MYO16: variants seen among roughly 807,000 people sequenced by gnomAD.
The protein encoded by MYO16 is unconventional myosin-XVI.
Under a neutral mutation model 205.3 loss-of-function variants are expected in MYO16, and 94 were observed. The observed-to-expected ratio is 0.46, with a 90% CI of 0.39 to 0.54. The LOEUF is 0.54. Among genes scored for constraint, MYO16 ranks in the 20% least tolerant of loss-of-function variants. The pLI is 0.00. For synonymous variants in MYO16, 988 were observed against 954.0 expected (o/e 1.04, Z -0.66); for missense variants, 2,315 against 2,387.5 (o/e 0.97, Z 0.63).
At chr13:109,196,690 T>C (rs1259587387) in intron 34 of MYO16, among the ~76,000 whole-genome samples, 1 of 152,178 alleles carries the variant, frequency 6.6e-6, no homozygotes, top group African/African-American at 2.4e-5. Flanking sequence ...GCTCCAGTAA[T>C]ACTGCCTTGG....
chr13:108,502,337 CTTA>C, the MYO16 span, among the ~76,000 whole-genome samples: 9 of 151,992 alleles, frequency 5.9e-5, no homozygotes, highest in Non-Finnish European at 1.0e-4. Context: ...ATTTTTGATG[CTTA>C]TTATTTATCT....
At chr13:108,881,266 C>T (rs979727183) in intron 12 of MYO16, among the ~76,000 whole-genome samples, 1 of 152,116 alleles carries the variant, frequency 6.6e-6, no homozygotes, top group African/African-American at 2.4e-5. Context: ...GAAAGGACAT[C>T]CACACCAAAA....
intron 9 of MYO16, among the ~76,000 whole-genome samples, chr13:108,829,615 A>T (rs1358936416): frequency 6.6e-6 from 1 of 152,154 alleles, no homozygotes; most frequent in Non-Finnish European, 1.5e-5. Context: ...AAGAAATGCC[A>T]CTTTCCTAGG....
At chr13:109,132,482 C>A (rs571394111) in intron 31 of MYO16, among the ~76,000 whole-genome samples, 1 of 152,314 alleles carries the variant, frequency 6.6e-6, no homozygotes, top group African/African-American at 2.4e-5. Flanking sequence ...TCTAGAACAA[C>A]ATGTGTCACA....
At chr13:108,810,249 T>C (rs532171526) in intron 7 of MYO16, among the ~76,000 whole-genome samples, 28 of 152,348 alleles carry the variant, frequency 1.8e-4, no homozygotes, top group African/African-American at 6.5e-4. Context: ...CCATTAAGCC[T>C]ACTCAAGTAG....
At chr13:109,004,908 A>G (rs1313533256) in intron 21 of MYO16, among the ~76,000 whole-genome samples, 2 of 152,230 alleles carry the variant, frequency 1.3e-5, no homozygotes, top group Non-Finnish European at 2.9e-5. Context: ...AATGTTTTAT[A>G]TGGTATGTTC....
intron 4 of MYO16, among the ~76,000 whole-genome samples, chr13:108,734,595 G>A (rs985025475): frequency 2.0e-5 from 3 of 152,194 alleles, no homozygotes; most frequent in Non-Finnish European, 4.4e-5. Flanking sequence ...TTTGCTTACA[G>A]GATCTCCAGG....
At chr13:108,750,135 T>A (rs559245581) in intron 4 of MYO16, among the ~76,000 whole-genome samples, 1 of 152,284 alleles carries the variant, frequency 6.6e-6, no homozygotes, top group African/African-American at 2.4e-5. Context: ...GAATGAAGCT[T>A]AGGGGATTTT....
At chr13:108,870,131 C>T (rs1303819993) in intron 12 of MYO16, among the ~76,000 whole-genome samples, 1 of 151,802 alleles carries the variant, frequency 6.6e-6, no homozygotes, top group East Asian at 1.9e-4. Context: ...TCATAGAAAA[C>T]GTATTGAATT....
At chr13:108,601,549 A>AT (rs1878763790) in intron 1 of MYO16, among the ~76,000 whole-genome samples, 1 of 127,232 alleles carries the variant, frequency 7.9e-6, no homozygotes, top group Non-Finnish European at 1.9e-5. Context: ...ACAATATAGT[A>AT]ATTTTTTTCA....
intron 9 of MYO16, among the ~76,000 whole-genome samples, chr13:108,842,978 A>T (rs1418076580): frequency 6.6e-6 from 1 of 152,176 alleles, no homozygotes. Flanking sequence ...ACATTAGGCC[A>T]AGTGAAGTAA....
Position 108,986,460 on chromosome 13 carries a change from T to TA in MYO16, c.2370-5909dup, listed in dbSNP as rs1294556585. On this transcript the variant is annotated intron_variant, in intron 20 of 34. Transcript: ENST00000457511. ...CAACATGGAGAAACTCTGTCTCTAC[T>TA]AAAAAAACAAAATTAGCTGTGTGTG... Among the ~76,000 whole-genome samples the TA allele has an allele frequency of 2.0e-5, 3 of 151,608 alleles. No homozygotes were observed. The South Asian group carries it at 6.3e-4, about 32-fold the overall frequency.
intron 1 of MYO16, among the ~76,000 whole-genome samples, chr13:108,658,459 T>TGTGTG (rs200414713): frequency 6.6e-6 from 1 of 150,518 alleles, no homozygotes; most frequent in African/African-American, 2.4e-5. Context: ...TGTGTGTGTG[T>TGTGTG]TTTCTAAATT....
At chr13:108,539,354 T>G in the MYO16 span, among the ~76,000 whole-genome samples, 1 of 152,078 alleles carries the variant, frequency 6.6e-6, no homozygotes, top group Non-Finnish European at 1.5e-5. Context: ...CTGGTATTGG[T>G]CAAATATCAA....
intron 31 of MYO16, among the ~76,000 whole-genome samples, chr13:109,138,604 A>G (rs1594116890): frequency 6.6e-6 from 1 of 151,956 alleles, no homozygotes; most frequent in African/African-American, 2.4e-5. Context: ...TCTTTTTTCA[A>G]CGTCAGAAGT....
chr13:109,116,324 A>C (rs1445754433), intron 28 of MYO16, among the ~76,000 whole-genome samples: 2 of 152,158 alleles, frequency 1.3e-5, no homozygotes, highest in Non-Finnish European at 2.9e-5. Context: ...TCAGCAGTGC[A>C]GATTTGCATA....
At chr13:108,808,811 A>G (rs1034206034) in intron 7 of MYO16, among the ~76,000 whole-genome samples, 2 of 152,196 alleles carry the variant, frequency 1.3e-5, no homozygotes, top group Non-Finnish European at 2.9e-5. Context: ...CCCTTTAATG[A>G]TTAACATATA....
At chr13:108,920,620 G>A (rs1016657491) in intron 16 of MYO16, among the ~76,000 whole-genome samples, 7 of 152,032 alleles carry the variant, frequency 4.6e-5, no homozygotes, top group Middle Eastern at 3.4e-3. Context: ...CACCACGCCC[G>A]GCTAATTTTT....
At chr13:108,638,397 C>T (rs552862414) in intron 1 of MYO16, among the ~76,000 whole-genome samples, 1 of 152,282 alleles carries the variant, frequency 6.6e-6, no homozygotes, top group East Asian at 1.9e-4. Flanking sequence ...CCTTTACTTC[C>T]AAACTTTTTA....
Sources: gnomAD v4.1 joint callset for allele counts (sites outside exome capture counted in the v4.1 genomes callset) on GRCh38, gnomAD v4.1.1 for gene constraint, MANE v1.5 for transcripts, NCBI Gene and HGNC (gene_info 2026-07-23, HGNC 2026-07-21) for gene names.